PRKAG2: variants seen among roughly 807,000 people sequenced by gnomAD.
PRKAG2 encodes the protein 5'-AMP-activated protein kinase subunit gamma-2.
Under a neutral mutation model 69.6 loss-of-function variants are expected in PRKAG2, and 26 were observed. The ratio of observed to expected loss-of-function variants is 0.37; its 90% CI spans 0.27 to 0.52. The LOEUF (loss-of-function observed/expected upper bound fraction) is 0.52, where lower values mean the gene tolerates loss of function less well. Ranked by LOEUF, PRKAG2 falls within the 20% of genes least tolerant of loss-of-function variation. The pLI is 0.90. For synonymous variants in PRKAG2, 293 were observed against 285.0 expected, an observed-to-expected ratio of 1.03 and a Z score of -0.28; for missense variants, 557 against 740.0, an observed-to-expected ratio of 0.75 and a Z score of 2.87.
intron 15 of PRKAG2, chr7:151,557,984 G>C: frequency 1.0e-6 from 1 of 984,688 alleles, no homozygotes; most frequent in Non-Finnish European, 1.2e-6. Context: ...GATTGGCAGG[G>C]AGAGCTACTA....
At chr7:151,705,520 T>C (rs1838441160) in intron 3 of PRKAG2, among the ~76,000 whole-genome samples, 1 of 152,204 alleles carries the variant, frequency 6.6e-6, no homozygotes, top group African/African-American at 2.4e-5. Flanking sequence ...GACAGCCGAC[T>C]GTCTGTGACA....
At chr7:151,691,027 G>A (rs1029869580) in intron 3 of PRKAG2, among the ~76,000 whole-genome samples, 3 of 152,136 alleles carry the variant, frequency 2.0e-5, no homozygotes, top group Non-Finnish European at 2.9e-5. Flanking sequence ...AAAATACGCC[G>A]TTAAGAAAAT....
Position 151,556,314 on chromosome 7 carries a change from C to T in PRKAG2, c.*887G>A, listed in dbSNP as rs886062096. On this transcript the variant is annotated 3_prime_UTR_variant, in exon 16 of 16. Coordinates refer to ENST00000287878, the MANE Select transcript of PRKAG2 (RefSeq NM_016203.4). ...CCACAATAAAATTTACAAAAACAAT[C>T]GCATCAGCAGTCATAACAAACATCA... The T allele has an allele frequency of 2.0e-5, 3 of 152,550 alleles. No homozygotes were observed. The highest frequency in any genetic ancestry group is 6.5e-5 in the Admixed American group (1 of 15,276). The allele number at this position is 152,550 out of a possible 1,614,324, so 9.4% of individuals were successfully genotyped here.
At chr7:151,579,984 G>C (rs1306449433) in intron 6 of PRKAG2, among the ~76,000 whole-genome samples, 1 of 152,180 alleles carries the variant, frequency 6.6e-6, no homozygotes, top group Non-Finnish European at 1.5e-5. Flanking sequence ...AAAAAGGATT[G>C]GCAAAGTAAG....
intron 3 of PRKAG2, among the ~76,000 whole-genome samples, chr7:151,768,739 T>C (rs952393484): frequency 3.3e-5 from 5 of 152,240 alleles, no homozygotes; most frequent in African/African-American, 1.2e-4. Flanking sequence ...AGGGCTGAGA[T>C]TGTAGGCGTG....
chr7:151,857,561 C>T (rs914360370), intron 1 of PRKAG2, among the ~76,000 whole-genome samples: 8 of 152,232 alleles, frequency 5.3e-5, no homozygotes, highest in Non-Finnish European at 8.8e-5. Flanking sequence ...TGGGCTCAGG[C>T]GCCAGACGGC....
chr7:151,568,575 G>C (rs1806815681), intron 11 of PRKAG2, 141 bp downstream of exon 11: 1 of 858,300 alleles, frequency 1.2e-6, no homozygotes, highest in Non-Finnish European at 1.8e-6. Context: ...AGAGTAGTAA[G>C]TTGAGAAACT....
At chr7:151,627,567 C>T (rs111748119) in intron 5 of PRKAG2, among the ~76,000 whole-genome samples, 16 of 151,968 alleles carry the variant, frequency 1.1e-4, no homozygotes, top group African/African-American at 2.2e-4. Context: ...CAGAGGTTGC[C>T]GTGAACCGAG....
chr7:151,800,061 G>T (rs2077749943), intron 1 of PRKAG2, among the ~76,000 whole-genome samples: 1 of 151,520 alleles, frequency 6.6e-6, no homozygotes. Context: ...TGTGTCATTT[G>T]AAAGTCGCCT....
intron 3 of PRKAG2, among the ~76,000 whole-genome samples, chr7:151,705,297 G>A (rs1483200115): frequency 6.6e-6 from 1 of 151,202 alleles, no homozygotes. Flanking sequence ...TTCCTCTCGA[G>A]CAACACCAAG....
chr7:151,688,042 G>GCCCCCCCCCCCC lies in PRKAG2; in HGVS notation c.467-12406_467-12405insGGGGGGGGGGGG, dbSNP rs61417635. On this transcript the variant is annotated intron_variant, in intron 3 of 15. Coordinates refer to ENST00000287878, the MANE Select transcript of PRKAG2 (RefSeq NM_016203.4). ...AGGAGGAGGAGGAGGAGGAAATGAG[G>GCCCCCCCCCCCC]CCCCCCCCCGGGCTCCTTGCTGAGT... is the stretch of plus-strand genomic sequence containing the variant. Among the ~76,000 whole-genome samples the GCCCCCCCCCCCC allele has an allele frequency of 1.1e-3, 114 of 107,016 alleles. 31 individuals carry two copies. Among genetic ancestry groups the GCCCCCCCCCCCC allele is most frequent in the Middle Eastern group, 5.7e-3 (1 of 176 alleles). The allele number at this position is 107,016 out of a possible 152,430, so 70.2% of individuals were successfully genotyped here.
intron 3 of PRKAG2, among the ~76,000 whole-genome samples, chr7:151,685,300 G>T (rs1407082268): frequency 6.6e-6 from 1 of 152,112 alleles, no homozygotes; most frequent in Non-Finnish European, 1.5e-5. Flanking sequence ...TGTCCTCAGG[G>T]CCACCCCACC....
chr7:151,839,324 C>G (rs758329041), intron 1 of PRKAG2, among the ~76,000 whole-genome samples: 2 of 152,168 alleles, frequency 1.3e-5, no homozygotes, highest in African/African-American at 4.8e-5. Context: ...GCAGCGTGGC[C>G]GGGCACCGCG....
intron 3 of PRKAG2, among the ~76,000 whole-genome samples, chr7:151,703,389 C>T (rs147590189): frequency 2.6e-5 from 4 of 152,292 alleles, no homozygotes; most frequent in South Asian, 2.1e-4. Flanking sequence ...CAGATAGCAG[C>T]GATTCTGCTC....
At chr7:151,834,111 G>A (rs1216404481) in intron 1 of PRKAG2, among the ~76,000 whole-genome samples, 1 of 152,152 alleles carries the variant, frequency 6.6e-6, no homozygotes, top group Non-Finnish European at 1.5e-5. Context: ...CCCGACAGCA[G>A]TTAAATGCAC....
Position 151,780,384 on chromosome 7 carries a change from G to A in PRKAG2, c.466+768C>T, listed in dbSNP as rs1487375031. Among the ~76,000 whole-genome samples, 1 of 152,188 alleles carries A rather than the reference G, an allele frequency of 6.6e-6. No homozygotes were observed. Among genetic ancestry groups the A allele is most frequent in the Non-Finnish European group, 1.5e-5 (1 of 68,040 alleles). On this transcript the variant is annotated intron_variant, in intron 3 of 15. Transcript: ENST00000287878. The surrounding 1 kb of genome is among the most constrained non-coding windows in gnomAD (Gnocchi z 4.2). ...ACTATCCCAGGCCTCTGATGGTCAA[G>A]GACAAATTTGTTTTCCACATCACTA...
intron 4 of PRKAG2, among the ~76,000 whole-genome samples, chr7:151,663,679 C>T (rs1451962709): frequency 2.0e-5 from 3 of 152,198 alleles, no homozygotes; most frequent in African/African-American, 7.2e-5. Context: ...AGCTTAGTGG[C>T]CAGTCTGATC....
rs186514714 is a variant in PRKAG2 at position 151,844,392 on chromosome 7, C to T, written c.114+32115G>A. 8.3e-4 allele frequency among the ~76,000 whole-genome samples: 126 copies of T among 152,200 alleles called. No homozygotes were observed. In the Middle Eastern group the frequency reaches 0.01, roughly 12 times the overall value. On this transcript the variant is annotated intron_variant, in intron 1 of 15. Coordinates refer to ENST00000287878, the MANE Select transcript of PRKAG2 (RefSeq NM_016203.4). ...AGTCAGAGCGGCTTCCTCAAAGAGG[C>T]GGAAGAGGACCCATCACATGAAGGG...
At chr7:151,611,159 C>T (rs979191477) in intron 5 of PRKAG2, among the ~76,000 whole-genome samples, 2 of 152,160 alleles carry the variant, frequency 1.3e-5, no homozygotes, top group South Asian at 2.1e-4. Context: ...AGAAGAGATG[C>T]GTGCAGGGTG....
Sources: gnomAD v4.1 joint callset for allele counts (sites outside exome capture counted in the v4.1 genomes callset) on GRCh38, gnomAD v4.1.1 for gene constraint, Gnocchi (gnomAD v3.1) non-coding constraint, MANE v1.5 for transcripts, NCBI Gene and HGNC (gene_info 2026-07-23, HGNC 2026-07-21) for gene names.